Variants in SAMD5 observed in about 807,000 individuals in gnomAD.
SAMD5 encodes sterile alpha motif domain containing 5, also known as sterile alpha motif domain-containing protein 5.
In SAMD5, 13 loss-of-function variants were observed where a neutral mutation model predicts 11.3. The ratio of observed to expected loss-of-function variants is 1.15; its 90% CI spans 0.75 to 1.83. The LOEUF is 1.83. Among genes scored for constraint, SAMD5 ranks in the 40% most tolerant of loss-of-function variants. The pLI is 0.00. For synonymous variants in SAMD5, 129 were observed against 111.3 expected, an observed-to-expected ratio of 1.16 and a Z score of -1.00; for missense variants, 255 against 239.1, an observed-to-expected ratio of 1.07 and a Z score of -0.44.
intron 1 of SAMD5, among the ~76,000 whole-genome samples, chr6:147,691,769 T>C (rs1791106799): frequency 6.6e-6 from 1 of 152,234 alleles, no homozygotes; most frequent in East Asian, 1.9e-4. Context: ...CATTTCTGAA[T>C]GACAACACTG....
chr6:147,775,521 G>A, the SAMD5 span, among the ~76,000 whole-genome samples: 2,489 of 152,132 alleles, frequency 0.016, 70 homozygotes, highest in African/African-American at 0.057. Flanking sequence ...TCTTACCTCT[G>A]CCCAATATGC....
At chr6:147,765,444 C>T in the SAMD5 span, among the ~76,000 whole-genome samples, 1 of 152,170 alleles carries the variant, frequency 6.6e-6, no homozygotes, top group Non-Finnish European at 1.5e-5. Context: ...TGTATTTTCT[C>T]CCTCTTCAAA....
chr6:147,841,433 T>C, the SAMD5 span, among the ~76,000 whole-genome samples: 1 of 152,218 alleles, frequency 6.6e-6, no homozygotes, highest in Non-Finnish European at 1.5e-5. Context: ...GAGTTTAAAG[T>C]GATCTTCAAA....
intron 1 of SAMD5, among the ~76,000 whole-genome samples, chr6:147,712,822 A>AG (rs1554246325): frequency 6.6e-6 from 1 of 151,412 alleles, no homozygotes; most frequent in Non-Finnish European, 1.5e-5. Context: ...AAAAAAAAAA[A>AG]GTCTGTTGTT....
At chr6:147,514,449 G>A (rs1788134587) in intron 1 of SAMD5, among the ~76,000 whole-genome samples, 1 of 151,014 alleles carries the variant, frequency 6.6e-6, no homozygotes, top group Non-Finnish European at 1.5e-5. Flanking sequence ...GTAATGTTTA[G>A]ACATGGTCAT....
the SAMD5 span, among the ~76,000 whole-genome samples, chr6:147,924,684 A>G: frequency 6.6e-6 from 1 of 151,734 alleles, no homozygotes; most frequent in Non-Finnish European, 1.5e-5. Context: ...TAAACCAAAC[A>G]AAACTAAAAT....
exon 2 of SAMD5, chr6:147,737,504 T>C: frequency 3.2e-6 from 1 of 314,104 alleles, no homozygotes; most frequent in Non-Finnish European, 6.5e-6. Flanking sequence ...GTTTGTATGA[T>C]GGCACATCCA....
At chr6:147,931,442 T>C in the SAMD5 span, among the ~76,000 whole-genome samples, 1 of 152,218 alleles carries the variant, frequency 6.6e-6, no homozygotes, top group African/African-American at 2.4e-5. Flanking sequence ...GTATAATCTC[T>C]GTCTTCTCTT....
chr6:147,530,682 C>A (rs1369394454), intron 1 of SAMD5, among the ~76,000 whole-genome samples: 1 of 152,184 alleles, frequency 6.6e-6, no homozygotes, highest in Non-Finnish European at 1.5e-5. Context: ...GGAATTCCTG[C>A]AAAAGCTAAG....
chr6:147,530,261 T>C (rs538364805), intron 1 of SAMD5, among the ~76,000 whole-genome samples: 29 of 152,356 alleles, frequency 1.9e-4, no homozygotes, highest in African/African-American at 6.7e-4. Context: ...AGGAAACACA[T>C]TGATACTGGA....
At chr6:147,943,216 C>G in the SAMD5 span, among the ~76,000 whole-genome samples, 1 of 152,220 alleles carries the variant, frequency 6.6e-6, no homozygotes, top group Admixed American at 6.5e-5. Context: ...TGTATGTGCA[C>G]GAACATCATT....
the SAMD5 span, among the ~76,000 whole-genome samples, chr6:147,891,002 A>AT: frequency 6.6e-6 from 1 of 152,246 alleles, no homozygotes; most frequent in Non-Finnish European, 1.5e-5. Context: ...GCCCCGTATG[A>AT]TTGCATATGG....
At chr6:147,751,294 C>T in the SAMD5 span, among the ~76,000 whole-genome samples, 4 of 152,200 alleles carry the variant, frequency 2.6e-5, 1 homozygote, top group Non-Finnish European at 5.9e-5. Context: ...TTTTATCTTT[C>T]ACCCGTTTAA....
At chr6:147,585,575 A>G (rs1005325469) in intron 1 of SAMD5, among the ~76,000 whole-genome samples, 1 of 152,142 alleles carries the variant, frequency 6.6e-6, no homozygotes, top group Non-Finnish European at 1.5e-5. Context: ...TATTTAATAA[A>G]TTGCTATTCT....
At chr6:147,697,599 C>T (rs1368390022) in intron 1 of SAMD5, among the ~76,000 whole-genome samples, 2 of 152,016 alleles carry the variant, frequency 1.3e-5, no homozygotes, top group Non-Finnish European at 2.9e-5. Context: ...TATGTTGCAG[C>T]TTAACAATAA....
intron 1 of SAMD5, among the ~76,000 whole-genome samples, chr6:147,731,652 C>CA (rs4052655): frequency 0.037 from 3,311 of 90,038 alleles, 184 homozygotes; most frequent in Middle Eastern, 0.095. Flanking sequence ...CTGGCCACTA[C>CA]AAAAAAAAAA....
downstream of SAMD5, among the ~76,000 whole-genome samples, chr6:147,739,013 C>A (rs993848337): frequency 1.3e-5 from 2 of 152,178 alleles, no homozygotes; most frequent in Non-Finnish European, 2.9e-5. Flanking sequence ...CCCGGAGGGG[C>A]AAACTGAGAT....
At chr6:147,628,522 G>A (rs1344795653) in intron 1 of SAMD5, among the ~76,000 whole-genome samples, 1 of 152,174 alleles carries the variant, frequency 6.6e-6, no homozygotes, top group Non-Finnish European at 1.5e-5. Flanking sequence ...TGGAGTGATA[G>A]GGAGGGAAAG....
intron 1 of SAMD5, among the ~76,000 whole-genome samples, chr6:147,543,188 A>G (rs1788632989): frequency 6.6e-6 from 1 of 152,190 alleles, no homozygotes; most frequent in Non-Finnish European, 1.5e-5. Flanking sequence ...TAAGAGCGGA[A>G]GTCCTGTTCC....
Sources: gnomAD v4.1 joint callset for allele counts (sites outside exome capture counted in the v4.1 genomes callset) on GRCh38, gnomAD v4.1.1 for gene constraint, MANE v1.5 for transcripts, NCBI Gene and HGNC (gene_info 2026-07-23, HGNC 2026-07-21) for gene names.